Variants in DLGAP2 observed in about 807,000 individuals in gnomAD.
The protein encoded by DLGAP2 is disks large-associated protein 2.
A neutral mutation model predicts 100.3 loss-of-function variants in DLGAP2; 26 were observed. The ratio of observed to expected loss-of-function variants is 0.26; its 90% CI spans 0.19 to 0.36. The LOEUF is 0.36. Among genes scored for constraint, DLGAP2 ranks in the 10% least tolerant of loss-of-function variants. The probability of loss-of-function intolerance (pLI) is 1.00; values close to 1 mark genes in which losing one functional copy is unlikely to be tolerated. For synonymous variants in DLGAP2, 886 were observed against 630.1 expected (o/e 1.41, Z -6.08); for missense variants, 1,858 against 1,453.2 (o/e 1.28, Z -4.53).
intron 1 of DLGAP2, among the ~76,000 whole-genome samples, chr8:874,871 T>C (rs1027559578): frequency 2.6e-5 from 4 of 152,218 alleles, no homozygotes; most frequent in Non-Finnish European, 4.4e-5. Flanking sequence ...TTGCTTCACA[T>C]GTTTTGGTGC....
At position 1,233,383 on chromosome 8, in the gene DLGAP2, A is replaced by G. The variant is rs372127791; in HGVS notation, c.74-25468A>G. Among the ~76,000 whole-genome samples, 139 of 152,348 alleles carry G rather than the reference A, an allele frequency of 9.1e-4. 1 individual carries two copies. Among genetic ancestry groups the G allele is most frequent in the African/African-American group, 3.2e-3 (133 of 41,584 alleles). ...CCTTTAATTCAATAGCAGAAGACTC[A>G]GCTGTAACCTCCTGGGAGCAAGGGC... On this transcript the variant is annotated intron_variant, in intron 2 of 14. Coordinates refer to ENST00000637795, the MANE Select transcript of DLGAP2 (RefSeq NM_001346810.2).
intron 6 of DLGAP2, among the ~76,000 whole-genome samples, chr8:1,591,419 CT>C (rs1796286786): frequency 6.6e-6 from 1 of 152,148 alleles, no homozygotes; most frequent in Non-Finnish European, 1.5e-5. Context: ...TTCTCTAAGA[CT>C]GGACGTTGGA....
intron 3 of DLGAP2, among the ~76,000 whole-genome samples, chr8:1,491,954 G>A (rs1799403499): frequency 6.6e-6 from 1 of 152,224 alleles, no homozygotes; most frequent in South Asian, 2.1e-4. Context: ...GGGGTGACGA[G>A]TGCACCTGGT....
chr8:1,319,807 C>T (rs1008395010), intron 3 of DLGAP2, among the ~76,000 whole-genome samples: 8 of 152,084 alleles, frequency 5.3e-5, no homozygotes, highest in East Asian at 1.9e-4. Context: ...CGGAAGGAAA[C>T]GTAGATCACA....
At chr8:1,314,881 T>A (rs1386262287) in intron 3 of DLGAP2, among the ~76,000 whole-genome samples, 4 of 152,242 alleles carry the variant, frequency 2.6e-5, no homozygotes, top group Non-Finnish European at 5.9e-5. Flanking sequence ...ATCCTAAACC[T>A]TTTTGAAGAA....
At position 1,549,152 on chromosome 8, in the gene DLGAP2, A is replaced by G; in HGVS notation, c.699A>G (p.Val233=). The G allele has an allele frequency of 6.3e-7, 1 of 1,595,370 alleles. No homozygotes were observed. The highest frequency in any genetic ancestry group is 8.5e-7 in the Non-Finnish European group (1 of 1,172,214). The part of the protein sequence containing the change: ...SESPGRIRHL[V]HSVQKLFTKS... Reference sequence around the variant, plus strand: ...GCCCCGGGCGGATCCGCCACCTGGTACACTCCGTGCAGAAGCTCTTCACCA... The same window carrying G: ...GCCCCGGGCGGATCCGCCACCTGGTGCACTCCGTGCAGAAGCTCTTCACCA... Residue 233 remains valine (V), a synonymous_variant, in exon 5 of 15, where the codon GTA becomes GTG. Transcript: ENST00000637795.
intron 1 of DLGAP2, among the ~76,000 whole-genome samples, chr8:751,493 C>CG (rs1820787657): frequency 6.6e-6 from 1 of 152,226 alleles, no homozygotes; most frequent in Non-Finnish European, 1.5e-5. Context: ...GGGGACATTA[C>CG]GGAAGTTGGA....
intron 2 of DLGAP2, among the ~76,000 whole-genome samples, chr8:1,110,988 G>C (rs540031160): frequency 1.3e-5 from 2 of 152,148 alleles, no homozygotes; most frequent in East Asian, 3.9e-4. Context: ...CCAGCCGAAG[G>C]TCACACGTGG....
At chr8:823,562 C>T (rs1796628489) in intron 1 of DLGAP2, among the ~76,000 whole-genome samples, 2 of 152,126 alleles carry the variant, frequency 1.3e-5, no homozygotes, top group Non-Finnish European at 2.9e-5. Flanking sequence ...TCCGTCAGCT[C>T]CAGCAGCACG....
intron 2 of DLGAP2, among the ~76,000 whole-genome samples, chr8:1,252,856 A>C (rs1251865495): frequency 1.3e-5 from 2 of 152,178 alleles, no homozygotes; most frequent in Non-Finnish European, 1.5e-5. Context: ...TTGGAAGAGG[A>C]AAGACGTTGG....
At chr8:1,585,651 G>C (rs1796093621) in intron 6 of DLGAP2, among the ~76,000 whole-genome samples, 1 of 152,156 alleles carries the variant, frequency 6.6e-6, no homozygotes, top group Non-Finnish European at 1.5e-5. Context: ...TCACCACAGG[G>C]AGACATCCCT....
In DLGAP2 at chr8:1,383,947, A is replaced by G. The variant is rs547993771; in HGVS notation, c.107-117419A>G. On this transcript the variant is annotated intron_variant, in intron 3 of 14. Transcript: ENST00000637795. ...CCCATTCTCTTCTCCGATGTGTTACATTCATGAAGGAGACCCACAAATGCA... is the reference window on the plus strand; with the variant it reads ...CCCATTCTCTTCTCCGATGTGTTACGTTCATGAAGGAGACCCACAAATGCA... 2.3e-4 allele frequency among the ~76,000 whole-genome samples: 35 copies of G among 152,298 alleles called. 1 individual carries two copies. In the South Asian group the frequency reaches 6.4e-3, roughly 28 times the overall value.
intron 3 of DLGAP2, among the ~76,000 whole-genome samples, chr8:1,281,269 A>G (rs1799808100): frequency 6.6e-6 from 1 of 152,218 alleles, no homozygotes; most frequent in African/African-American, 2.4e-5. Flanking sequence ...GTTTTGAGCC[A>G]CGTGCCACAT....
At chr8:1,082,790 T>A (rs1803854845) in intron 2 of DLGAP2, among the ~76,000 whole-genome samples, 1 of 152,224 alleles carries the variant, frequency 6.6e-6, no homozygotes, top group African/African-American at 2.4e-5. Flanking sequence ...GTGGAGAGAA[T>A]CAGTGGTGAC....
At chr8:1,267,510 G>C (rs1217060225) in intron 3 of DLGAP2, among the ~76,000 whole-genome samples, 2 of 149,786 alleles carry the variant, frequency 1.3e-5, no homozygotes, top group Admixed American at 1.3e-4. Flanking sequence ...AGTGAGCTGA[G>C]ATTGTGCCAC....
intron 5 of DLGAP2, among the ~76,000 whole-genome samples, chr8:1,562,352 G>C (rs1259642775): frequency 2.3e-5 from 1 of 43,642 alleles, no homozygotes; most frequent in Non-Finnish European, 4.3e-5. Context: ...GTGTGGTGTT[G>C]GGGTGTCCGC....
chr8:1,162,263 C>T (rs900829289), intron 2 of DLGAP2, among the ~76,000 whole-genome samples: 1 of 152,160 alleles, frequency 6.6e-6, no homozygotes, highest in African/African-American at 2.4e-5. Context: ...AAATATTTGC[C>T]AGTGTTTACC....
Position 898,484 on chromosome 8 carries a change from A to T in DLGAP2, c.19-9428A>T, listed in dbSNP as rs145419155. On this transcript the variant is annotated intron_variant, in intron 1 of 14. Coordinates refer to ENST00000637795, the MANE Select transcript of DLGAP2 (RefSeq NM_001346810.2). ...TCCGCAGGGCACACATCCAAAGCCCATGCAGCGTCTGGTTCCCTCTCATCC... is the reference window on the plus strand; with the variant it reads ...TCCGCAGGGCACACATCCAAAGCCCTTGCAGCGTCTGGTTCCCTCTCATCC... Among the ~76,000 whole-genome samples, 352 of 152,310 alleles carry T rather than the reference A, an allele frequency of 2.3e-3. 3 individuals carry two copies. The highest frequency in any genetic ancestry group is 8.1e-3 in the African/African-American group (337 of 41,574).
At chr8:1,433,085 C>G (rs535044316) in intron 3 of DLGAP2, among the ~76,000 whole-genome samples, 1 of 152,170 alleles carries the variant, frequency 6.6e-6, no homozygotes, top group Admixed American at 6.5e-5. Flanking sequence ...CTTTGGGACT[C>G]CCTTGCCGAG....
Sources: gnomAD v4.1 joint callset for allele counts (sites outside exome capture counted in the v4.1 genomes callset) on GRCh38, gnomAD v4.1.1 for gene constraint, MANE v1.5 for transcripts, NCBI Gene and HGNC (gene_info 2026-07-23, HGNC 2026-07-21) for gene names.